CPSF1: variants seen among roughly 807,000 people sequenced by gnomAD.
CPSF1 encodes cleavage and polyadenylation specificity factor subunit 1.
In CPSF1, 106 loss-of-function variants were observed where a neutral mutation model predicts 175.8. The ratio of observed to expected loss-of-function variants is 0.60; its 90% CI spans 0.52 to 0.71. The LOEUF (loss-of-function observed/expected upper bound fraction) is 0.71. Among genes scored for constraint, CPSF1 ranks in the 30% least tolerant of loss-of-function variants. CPSF1 has a pLI of 0.00. For synonymous variants in CPSF1, 1,024 were observed against 858.3 expected (o/e 1.19, Z -3.37); for missense variants, 1,734 against 2,022.9 (o/e 0.86, Z 2.74).
At position 144,393,382 on chromosome 8, in the gene CPSF1, G is replaced by GTGGGTGGGTGGGTGGGTGGGGATGGAAGA; in HGVS notation, c.4285-18_4285-17insTCTTCCATCCCCACCCACCCACCCACCCA. Reference sequence around the variant, plus strand: ...GTCCAGGATCTGCAGGGGATGGAAGGGTGGGTGGGTGGGTGGGTGGGGATG... The same window carrying GTGGGTGGGTGGGTGGGTGGGGATGGAAGA: ...GTCCAGGATCTGCAGGGGATGGAAGGTGGGTGGGTGGGTGGGTGGGGATGGAAGAGTGGGTGGGTGGGTGGGTGGGGATG... On this transcript the variant is annotated splice_polypyrimidine_tract_variant and intron_variant, in intron 37 of 37. Transcript: ENST00000616140. The GTGGGTGGGTGGGTGGGTGGGGATGGAAGA allele has an allele frequency of 9.1e-7, 1 of 1,100,242 alleles. No homozygotes were observed. Among genetic ancestry groups the GTGGGTGGGTGGGTGGGTGGGGATGGAAGA allele is most frequent in the Non-Finnish European group, 1.3e-6 (1 of 780,268 alleles). 68.2% of individuals were successfully genotyped at this position (1,100,242 alleles called of 1,614,324 possible).
chr8:144,398,175 C>T (rs782305489), intron 19 of CPSF1, 43 bp from the exon 20 acceptor site: 1 of 741,380 alleles, frequency 1.3e-6, no homozygotes, highest in Non-Finnish European at 2.0e-6. Context: ...CCACCACCGT[C>T]CCCACCCACC....
chr8:144,397,229 C>G lies in CPSF1; in HGVS notation c.2570G>C (p.Arg857Pro). Residue 857 changes from arginine (R) to proline (P), a missense_variant, in exon 23 of 38, where the codon CGC becomes CCC. By Grantham distance (103) the Arg-to-Pro change is moderately radical. This residue lies in a region of CPSF1 where 585 missense variants were observed against 584.7 expected (regional missense o/e 1.00). Transcript: ENST00000616140. ...CACCAGCAGGTAGGGCCTGCTCTGG[C>G]GGCTGCCCAGCGCCACCAGCAGCAC... ...KEVLLVALGS[R>P]QSRPYLLVHV... 1 of 1,547,082 alleles carries G rather than the reference C, an allele frequency of 6.5e-7. No homozygotes were observed. Among genetic ancestry groups the G allele is most frequent in the South Asian group, 1.2e-5 (1 of 84,144 alleles).
At position 144,393,777 on chromosome 8, in the gene CPSF1, G is replaced by C; in HGVS notation, c.4035C>G (p.Ile1345Met). The change falls in exon 36 of 38, where the codon ATC (isoleucine) becomes ATG (methionine). Residue 1345 changes from isoleucine (I) to methionine (M), a missense_variant. This residue lies in a region of CPSF1 where 323 missense variants were observed against 338.5 expected (regional missense o/e 0.95). Transcript: ENST00000616140. ...ITWFATLDGGIGLLLPMQEKT... is the reference protein window; with the variant it reads ...ITWFATLDGGMGLLLPMQEKT... ...TCTCCTGCATGGGCAGCAGCAGCCC[G>C]ATGCCGCCGTCCAGGGTGGCTGGCA... 6.3e-7 allele frequency: 1 copy of C among 1,596,882 alleles called. No individual in the cohort carries two copies. Among genetic ancestry groups the C allele is most frequent in the Non-Finnish European group, 8.5e-7 (1 of 1,177,428 alleles).
Position 144,393,457 on chromosome 8 carries a change from C to T in CPSF1, c.4279G>A (p.Asp1427Asn). Residue 1427 changes from aspartate (D) to asparagine (N), a missense_variant, in exon 37 of 38, where the codon GAC becomes AAC. Physicochemically the swap from Asp to Asn is conservative, Grantham distance 23. Around this residue, in one of 10 missense-constraint regions of CPSF1, gnomAD observed 323 missense variants for 338.5 expected, o/e 0.95. Coordinates refer to ENST00000616140, the MANE Select transcript of CPSF1 (RefSeq NM_013291.3). ...GGGGCGGGGCGCGCACTCACTATGT[C>T]TGGTGTGGTGCCGATCTTCTTGGCT... ...ELAKKIGTTP[D>N]IILDDLLETD... 6.4e-7 allele frequency: 1 copy of T among 1,552,456 alleles called. No homozygotes were observed. The highest frequency in any genetic ancestry group is 8.7e-7 in the Non-Finnish European group (1 of 1,148,952).
chr8:144,406,837 G>A (rs2116906395), intron 2 of CPSF1, among the ~76,000 whole-genome samples: 2 of 152,322 alleles, frequency 1.3e-5, no homozygotes, highest in East Asian at 1.9e-4. Flanking sequence ...AGTGAATGCT[G>A]GGAGGTGTTG....
rs1554865962 is a variant in CPSF1, at chr8:144,400,091, G to A, written c.938-6C>T. 6.2e-7 allele frequency: 1 copy of A among 1,610,688 alleles called. No homozygotes were observed. Among genetic ancestry groups the A allele is most frequent in the Non-Finnish European group, 8.5e-7 (1 of 1,179,288 alleles). ...CCGCACACCCTCCTGGGTGCCTGTG[G>A]GGTGGGTGGTCAGGCCGACTAGGCA... On this transcript the variant is annotated splice_polypyrimidine_tract_variant and splice_region_variant and intron_variant, in intron 9 of 37. Coordinates refer to ENST00000616140, the MANE Select transcript of CPSF1 (RefSeq NM_013291.3).
At chr8:144,408,898 A>T in intron 2 of CPSF1, 117 bp downstream of exon 2, 1 of 1,269,452 alleles carries the variant, frequency 7.9e-7, no homozygotes, top group Non-Finnish European at 1.1e-6. Context: ...CCTCAGGCTG[A>T]GGAACGTTAA....
At chr8:144,401,347 C>T in intron 4 of CPSF1, 56 bp from the exon 5 acceptor site, 1 of 1,608,378 alleles carries the variant, frequency 6.2e-7, no homozygotes, top group Non-Finnish European at 8.5e-7. Context: ...CAGTGTCGCC[C>T]CCGGCAACCA....
chr8:144,400,135 G>GGCGCCCCCCCCCCCCCCCCCCCCCCCCC, intron 9 of CPSF1, 31 bp downstream of exon 9: 2 of 896,010 alleles, frequency 2.2e-6, no homozygotes, highest in Non-Finnish European at 3.2e-6. Flanking sequence ...CCGTCCCCGG[G>GGCGCCCCCCCCCCCCCCCCCCCCCCCCC]CCCCCCCCGC....
In CPSF1 at chr8:144,399,772, C is replaced by CTGA; in HGVS notation, c.1119+8_1119+9insTCA. 6.3e-7 allele frequency: 1 copy of CTGA among 1,581,982 alleles called. No homozygotes were observed. Among genetic ancestry groups the CTGA allele is most frequent in the Non-Finnish European group, 8.6e-7 (1 of 1,164,512 alleles). ...CTGGACCCAGACCCAACCCCTAGTC[C>CTGA]CAACTCACGCTGGTGGTGAGGACGC... On this transcript the variant is annotated intron_variant, in intron 11 of 37. Transcript: ENST00000616140. This position sits in a 1 kb window ranked among gnomAD's most constrained non-coding sequence, Gnocchi z 6.4.
chr8:144,400,868 C>T (rs1284744275), intron 6 of CPSF1, 51 bp from the exon 7 acceptor site: 1 of 1,606,856 alleles, frequency 6.2e-7, no homozygotes, highest in Non-Finnish European at 8.5e-7. Context: ...GGGAGGGGAG[C>T]TCGGGCTCTG....
At chr8:144,396,537 A>ATGCTGCGGATGAGGC in intron 25 of CPSF1, 37 bp from the exon 26 acceptor site, 1 of 1,608,704 alleles carries the variant, frequency 6.2e-7, no homozygotes, top group African/African-American at 1.3e-5. Context: ...GTGGATGAGG[A>ATGCTGCGGATGAGGC]TGCTGCGGAT....
intron 34 of CPSF1, 33 bp downstream of exon 34, chr8:144,394,080 G>A (rs573258685): frequency 5.0e-5 from 80 of 1,611,160 alleles, no homozygotes; most frequent in Admixed American, 4.8e-4. Flanking sequence ...GCCCAGCCCC[G>A]GCCCAGGCAG....
rs782170848 is a variant in CPSF1 at position 144,399,567 on chromosome 8, C to G, written c.1242+21G>C. ...AGTGCCCACATGAAGGGTGGTGGCC[C>G]AATGGGCCCAGGAAACCCACCTTGT... On this transcript the variant is annotated intron_variant, in intron 12 of 37. Coordinates refer to ENST00000616140, the MANE Select transcript of CPSF1 (RefSeq NM_013291.3). This position sits in a 1 kb window ranked among gnomAD's most constrained non-coding sequence, Gnocchi z 6.4. 2 of 1,610,714 alleles carry G rather than the reference C, an allele frequency of 1.2e-6. No homozygotes were observed. The highest frequency in any genetic ancestry group is 1.3e-5 in the African/African-American group (1 of 74,888).
At chr8:144,396,283 C>T (rs1820720230) in intron 26 of CPSF1, 65 bp downstream of exon 26, 1 of 1,497,152 alleles carries the variant, frequency 6.7e-7, no homozygotes, top group Non-Finnish European at 9.1e-7. Context: ...TCTCCTGTCC[C>T]CTCCCCCTCA....
In CPSF1 at chr8:144,397,398, C is replaced by T. The variant is rs782026262; in HGVS notation, c.2401G>A (p.Asp801Asn). 1.1e-5 allele frequency: 17 copies of T among 1,572,022 alleles called. No individual in the cohort carries two copies. The highest frequency in any genetic ancestry group is 2.3e-5 in the South Asian group (2 of 86,482). Residue 801 changes from aspartate to asparagine, a missense_variant, in exon 23 of 38, where the codon GAC becomes AAC. By Grantham distance (23) the Asp-to-Asn change is conservative (BLOSUM62 1). This residue lies in a region of CPSF1 where 585 missense variants were observed against 584.7 expected (regional missense o/e 1.00). Transcript: ENST00000616140. ...NGTMEIYQLPDWRLVFLVKNF... is the reference protein window; with the variant it reads ...NGTMEIYQLPNWRLVFLVKNF... ...TTCACCAGGAACACCAGCCGCCAGT[C>T]GGGAAGCTGGTAGATCTGCAGGGTG...
rs922649392 is a variant in CPSF1 at position 144,404,914 on chromosome 8, G to A, written c.145-3241C>T. 4.0e-5 allele frequency among the ~76,000 whole-genome samples: 6 copies of A among 150,974 alleles called. No individual in the cohort carries two copies. In the South Asian group the frequency reaches 8.3e-4, roughly 21 times the overall value. On this transcript the variant is annotated intron_variant, in intron 2 of 37. Transcript: ENST00000616140. ...TACTAAAAATACAAAAACATTAGTC[G>A]GGCGCCTGTAGTCCCAGCTACTCAG... is the stretch of plus-strand genomic sequence containing the variant.
chr8:144,398,772 C>A lies in CPSF1; in HGVS notation c.1638+7G>T. 1 of 1,593,532 alleles carries A rather than the reference C, an allele frequency of 6.3e-7. No homozygotes were observed. The highest frequency in any genetic ancestry group is 8.6e-7 in the Non-Finnish European group (1 of 1,166,798). ...CCAGGGCCTCCCTGCAGCAGGCTCG[C>A]ACCTACCTCCTCCTTACGCACCGGG... On this transcript the variant is annotated splice_region_variant and intron_variant, in intron 17 of 37. Coordinates refer to ENST00000616140, the MANE Select transcript of CPSF1 (RefSeq NM_013291.3).
intron 2 of CPSF1, among the ~76,000 whole-genome samples, chr8:144,401,960 G>A (rs1170706644): frequency 3.9e-5 from 6 of 152,188 alleles, no homozygotes; most frequent in Admixed American, 3.9e-4. Flanking sequence ...AGCACTCAGG[G>A]TTAGAGTGCA....
Sources: gnomAD v4.1 joint callset for allele counts (sites outside exome capture counted in the v4.1 genomes callset) on GRCh38, gnomAD v4.1.1 for gene constraint, gnomAD v4.1.1 regional missense constraint, Gnocchi (gnomAD v3.1) non-coding constraint, MANE v1.5 for transcripts, NCBI Gene and HGNC (gene_info 2026-07-23, HGNC 2026-07-21) for gene names.